The following CERS6 variants were observed in gnomAD, a reference collection of about 807,000 sequenced individuals.
CERS6 encodes the protein ceramide synthase 6, also known as LAG1 homolog, ceramide synthase 6.
CERS6 carries 26 observed loss-of-function variants against 56.8 expected under a neutral mutation model. The observed-to-expected ratio is 0.46, with a 90% CI of 0.34 to 0.63. The LOEUF (loss-of-function observed/expected upper bound fraction) is 0.63. Ranked by LOEUF, CERS6 falls within the 30% of genes least tolerant of loss-of-function variation. The pLI is 0.01. For missense variants in CERS6, 415 were observed against 467.5 expected (o/e 0.89, Z 1.04); for synonymous variants, 164 against 173.3 (o/e 0.95, Z 0.42).
At chr2:168,493,748 C>T (rs1331985236) in intron 1 of CERS6, among the ~76,000 whole-genome samples, 1 of 151,950 alleles carries the variant, frequency 6.6e-6, no homozygotes, top group Non-Finnish European at 1.5e-5. Flanking sequence ...GTGATAAGAC[C>T]AGGTTCCTGC....
intron 4 of CERS6, among the ~76,000 whole-genome samples, chr2:168,657,561 C>T (rs1231954946): frequency 6.6e-6 from 1 of 152,274 alleles, no homozygotes; most frequent in Non-Finnish European, 1.5e-5. Flanking sequence ...GCATGGCAGA[C>T]TGCAGGTCCC....
intron 1 of CERS6, among the ~76,000 whole-genome samples, chr2:168,535,437 G>GT (rs1341799405): frequency 6.6e-6 from 1 of 152,064 alleles, no homozygotes; most frequent in Non-Finnish European, 1.5e-5. Flanking sequence ...GCTTCCCTTG[G>GT]TTGGGGGGAG....
intron 2 of CERS6, among the ~76,000 whole-genome samples, chr2:168,550,890 G>A (rs1228978400): frequency 6.6e-6 from 1 of 152,178 alleles, no homozygotes; most frequent in Non-Finnish European, 1.5e-5. Flanking sequence ...GGGGGCTGAA[G>A]GCAGCAGCAG....
At chr2:168,534,425 T>C (rs1443198594) in intron 1 of CERS6, among the ~76,000 whole-genome samples, 2 of 150,916 alleles carry the variant, frequency 1.3e-5, no homozygotes, top group African/African-American at 4.9e-5. Context: ...TTTTTTTAAT[T>C]GTTGATGCTG....
intron 1 of CERS6, among the ~76,000 whole-genome samples, chr2:168,541,913 C>T (rs1695379679): frequency 6.6e-6 from 1 of 152,136 alleles, no homozygotes; most frequent in South Asian, 2.1e-4. Context: ...GCTTTTTTCC[C>T]TGGTTCCTGC....
Position 168,760,643 on chromosome 2 carries a change from A to G in CERS6, c.846-4949A>G, listed in dbSNP as rs376791885. On this transcript the variant is annotated intron_variant, in intron 8 of 9. Coordinates refer to ENST00000305747, the MANE Select transcript of CERS6 (RefSeq NM_203463.3). The stretch of plus-strand genomic sequence containing the variant: ...GTACCTCCCAGAAATAAGATTCTAT[A>G]GTCACCATTTTAATAGTTTGCCCAA... Among the ~76,000 whole-genome samples the G allele has an allele frequency of 2.6e-5, 4 of 152,336 alleles. 1 individual carries two copies. The highest frequency in any genetic ancestry group is 1.9e-4 in the East Asian group (1 of 5,186).
chr2:168,458,659 A>G (rs1206632048), intron 1 of CERS6, among the ~76,000 whole-genome samples: 1 of 152,230 alleles, frequency 6.6e-6, no homozygotes, highest in Non-Finnish European at 1.5e-5. Flanking sequence ...TAAGTAGAAG[A>G]GATTTAATGG....
chr2:168,459,035 T>C (rs1306281470), intron 1 of CERS6, among the ~76,000 whole-genome samples: 1 of 152,262 alleles, frequency 6.6e-6, no homozygotes, highest in African/African-American at 2.4e-5. Flanking sequence ...ATACATCCTT[T>C]TCTTTTGCAG....
chr2:168,607,883 A>G (rs1684091154), intron 3 of CERS6, among the ~76,000 whole-genome samples: 1 of 152,206 alleles, frequency 6.6e-6, no homozygotes, highest in Non-Finnish European at 1.5e-5. Context: ...GGAATGGAAC[A>G]TTACCTCAGT....
intron 3 of CERS6, among the ~76,000 whole-genome samples, chr2:168,576,212 C>T (rs954882068): frequency 1.3e-5 from 2 of 152,158 alleles, no homozygotes; most frequent in Non-Finnish European, 2.9e-5. Context: ...TGATGGTCCC[C>T]TCATTTGTGT....
At chr2:168,464,396 A>G (rs370258466) in intron 1 of CERS6, among the ~76,000 whole-genome samples, 15 of 152,186 alleles carry the variant, frequency 9.9e-5, no homozygotes, top group African/African-American at 3.1e-4. Context: ...CTTGATCTCA[A>G]GTGACCTGCT....
At chr2:168,512,900 T>G (rs1362527417) in intron 1 of CERS6, among the ~76,000 whole-genome samples, 1 of 152,134 alleles carries the variant, frequency 6.6e-6, no homozygotes, top group Non-Finnish European at 1.5e-5. Context: ...ACTGCTGACC[T>G]CATGATCCTC....
Position 168,531,516 on chromosome 2 carries a change from G to T in CERS6, c.171-16080G>T, listed in dbSNP as rs576084966. Among the ~76,000 whole-genome samples, 9 of 152,186 alleles carry T rather than the reference G, an allele frequency of 5.9e-5. No individual in the cohort carries two copies. The East Asian group carries it at 1.7e-3, about 29-fold the overall frequency. ...GCATCTTATGCTCTTCCCATAACAT[G>T]TTTCCCATTAAAAGTCACTGACTGT... On this transcript the variant is annotated intron_variant, in intron 1 of 9. Coordinates refer to ENST00000305747, the MANE Select transcript of CERS6 (RefSeq NM_203463.3).
intron 4 of CERS6, among the ~76,000 whole-genome samples, chr2:168,668,444 CT>C (rs71397660): frequency 5.3e-4 from 70 of 132,296 alleles, no homozygotes; most frequent in Middle Eastern, 4.1e-3. Flanking sequence ...CCAACTCTAT[CT>C]TTTTTTTTTT....
At chr2:168,663,276 G>A (rs1293373873) in intron 4 of CERS6, among the ~76,000 whole-genome samples, 1 of 152,036 alleles carries the variant, frequency 6.6e-6, no homozygotes, top group African/African-American at 2.4e-5. Flanking sequence ...GATGATTCAT[G>A]CCTTTTAGAT....
In CERS6 at chr2:168,517,348, T is replaced by C. The variant is rs1383497727; in HGVS notation, c.171-30248T>C. Among the ~76,000 whole-genome samples, 3 of 151,526 alleles carry C rather than the reference T, an allele frequency of 2.0e-5. 1 individual carries two copies. Among genetic ancestry groups the C allele is most frequent in the Middle Eastern group, 6.4e-3 (2 of 314 alleles). On this transcript the variant is annotated intron_variant, in intron 1 of 9. Transcript: ENST00000305747. ...CTCTACTAAAAATACAAAAATTAGC[T>C]GGGCATTGTGGGGCGTGCCTGTAAT...
chr2:168,704,700 G>A (rs762706071), intron 6 of CERS6, among the ~76,000 whole-genome samples: 5 of 152,168 alleles, frequency 3.3e-5, no homozygotes, highest in South Asian at 2.1e-4. Flanking sequence ...TCCACCTCCC[G>A]GGTTCAAGCG....
At chr2:168,552,278 A>G (rs1295733212) in intron 2 of CERS6, among the ~76,000 whole-genome samples, 2 of 151,794 alleles carry the variant, frequency 1.3e-5, no homozygotes, top group Non-Finnish European at 2.9e-5. Context: ...TTGCCTGGAA[A>G]TCTTTCAAAA....
Position 168,773,608 on chromosome 2 carries a change from C to A in CERS6, c.*3946C>A, listed in dbSNP as rs551671077. ...AGCCCAGTTACTGCACTTGCCACTACCATGCTGTCCATGGAAGGAATAATC... is the reference window on the plus strand; with the variant it reads ...AGCCCAGTTACTGCACTTGCCACTAACATGCTGTCCATGGAAGGAATAATC... On this transcript the variant is annotated 3_prime_UTR_variant, in exon 10 of 10. Transcript: ENST00000305747. 2.0e-5 allele frequency: 3 copies of A among 152,298 alleles called. No individual in the cohort carries two copies. In the South Asian group the frequency reaches 6.2e-4, roughly 32 times the overall value. The allele number at this position is 152,298 out of a possible 1,614,324, so 9.4% of individuals were successfully genotyped here.
Sources: gnomAD v4.1 joint callset for allele counts (sites outside exome capture counted in the v4.1 genomes callset) on GRCh38, gnomAD v4.1.1 for gene constraint, MANE v1.5 for transcripts, NCBI Gene and HGNC (gene_info 2026-07-23, HGNC 2026-07-21) for gene names.